DAB1: variants seen among roughly 807,000 people sequenced by gnomAD.
DAB1 encodes the protein DAB adaptor protein 1, also known as disabled homolog 1.
A neutral mutation model predicts 64.6 loss-of-function variants in DAB1; 15 were observed. That is an observed-to-expected ratio of 0.23 (90% CI 0.16 to 0.36). DAB1 has a LOEUF of 0.36. DAB1 is among the 10% of genes least tolerant of loss of function. DAB1 has a pLI of 1.00. For missense variants in DAB1, 596 were observed against 706.7 expected, an observed-to-expected ratio of 0.84 and a Z score of 1.78; for synonymous variants, 235 against 251.9, an observed-to-expected ratio of 0.93 and a Z score of 0.64.
chr1:58,086,251 C>T (rs1479954928), intron 5 of DAB1, among the ~76,000 whole-genome samples: 1 of 152,148 alleles, frequency 6.6e-6, no homozygotes, highest in Non-Finnish European at 1.5e-5. Context: ...GCGTGAGCCA[C>T]CGCGCCCGGC....
chr1:58,494,416 A>C (rs891527947), intron 3 of DAB1, among the ~76,000 whole-genome samples: 55 of 152,294 alleles, frequency 3.6e-4, no homozygotes, highest in Non-Finnish European at 4.7e-4. Context: ...AAATTGATAA[A>C]TGGGATCTAA....
At chr1:58,532,944 T>C (rs1646457819) in intron 1 of DAB1, among the ~76,000 whole-genome samples, 2 of 152,340 alleles carry the variant, frequency 1.3e-5, no homozygotes, top group Non-Finnish European at 2.9e-5. Context: ...AAGGAACAGG[T>C]AGAATTTGAG....
intron 6 of DAB1, among the ~76,000 whole-genome samples, chr1:57,704,212 T>C (rs1646939311): frequency 6.6e-6 from 1 of 152,164 alleles, no homozygotes; most frequent in Admixed American, 6.6e-5. Flanking sequence ...GAAATCCAGA[T>C]TCCTGGCTTC....
intron 7 of DAB1, among the ~76,000 whole-genome samples, chr1:57,598,640 G>A (rs1383461148): frequency 6.6e-6 from 1 of 152,306 alleles, no homozygotes; most frequent in East Asian, 1.9e-4. Context: ...TAGCAGGGAG[G>A]CTGGTGGGCT....
exon 2 of DAB1, chr1:57,826,278 T>A (rs1652346341): frequency 1.3e-5 from 2 of 152,222 alleles, no homozygotes; most frequent in Admixed American, 1.3e-4. Flanking sequence ...TAGATAGTTA[T>A]CTCCAGTAGT....
chr1:57,287,765 C>A (rs192615086), intron 2 of DAB1, among the ~76,000 whole-genome samples: 1 of 118,814 alleles, frequency 8.4e-6, no homozygotes, highest in Non-Finnish European at 1.8e-5. Flanking sequence ...GTTACCAGCA[C>A]GTTTTCTCTC....
chr1:57,809,990 C>T (rs1360816913), intron 6 of DAB1, among the ~76,000 whole-genome samples: 1 of 152,260 alleles, frequency 6.6e-6, no homozygotes, highest in African/African-American at 2.4e-5. Context: ...TGCACAACAC[C>T]TGTACCAAGG....
At chr1:58,290,906 A>G (rs1661812128) in intron 4 of DAB1, among the ~76,000 whole-genome samples, 1 of 152,090 alleles carries the variant, frequency 6.6e-6, no homozygotes, top group Non-Finnish European at 1.5e-5. Flanking sequence ...TGCAGACCCG[A>G]GGGTCAGCCA....
At chr1:57,657,651 T>C (rs1003092300) in intron 6 of DAB1, among the ~76,000 whole-genome samples, 4 of 152,234 alleles carry the variant, frequency 2.6e-5, no homozygotes, top group African/African-American at 9.6e-5. Context: ...GTTTGACATC[T>C]AGATGAAATT....
chr1:57,954,045 A>G (rs1645334705), intron 5 of DAB1, among the ~76,000 whole-genome samples: 1 of 152,018 alleles, frequency 6.6e-6, no homozygotes, highest in South Asian at 2.1e-4. Flanking sequence ...TGAGTGTACC[A>G]TCTGTTCCTT....
chr1:57,093,806 C>T (rs1653904187), intron 4 of DAB1, among the ~76,000 whole-genome samples: 1 of 152,080 alleles, frequency 6.6e-6, no homozygotes, highest in South Asian at 2.1e-4. Context: ...GTCAGATGAG[C>T]TCAAGTGTTT....
At chr1:57,263,056 C>T (rs1333443320) in intron 2 of DAB1, among the ~76,000 whole-genome samples, 2 of 152,160 alleles carry the variant, frequency 1.3e-5, no homozygotes, top group African/African-American at 2.4e-5. Flanking sequence ...AGCAGTGTGA[C>T]CTGAGGCAAG....
At chr1:57,180,309 G>T (rs1217582437) in intron 2 of DAB1, among the ~76,000 whole-genome samples, 3 of 152,190 alleles carry the variant, frequency 2.0e-5, no homozygotes, top group African/African-American at 7.2e-5. Flanking sequence ...GTTTTGGCTA[G>T]TAACAGTTTT....
intron 5 of DAB1, among the ~76,000 whole-genome samples, chr1:57,901,879 G>C (rs1644478982): frequency 6.6e-6 from 1 of 152,044 alleles, no homozygotes; most frequent in Admixed American, 6.6e-5. Flanking sequence ...AATTCACTGT[G>C]TACTCTGAAC....
At chr1:57,815,669 TAAA>T (rs542137983) in intron 6 of DAB1, among the ~76,000 whole-genome samples, 1 of 130,296 alleles carries the variant, frequency 7.7e-6, no homozygotes, top group Non-Finnish European at 1.7e-5. Context: ...TATTTTCAAC[TAAA>T]AAAAAAAAAA....
intron 3 of DAB1, among the ~76,000 whole-genome samples, chr1:58,446,016 C>T (rs1048133700): frequency 6.6e-6 from 1 of 152,186 alleles, no homozygotes; most frequent in South Asian, 2.1e-4. Flanking sequence ...TGTTTTAGAA[C>T]TGAAAGTCAC....
At chr1:57,414,814 C>A (rs980085334) in intron 1 of DAB1, among the ~76,000 whole-genome samples, 1 of 152,038 alleles carries the variant, frequency 6.6e-6, no homozygotes, top group Non-Finnish European at 1.5e-5. Flanking sequence ...AGTGCATGCC[C>A]TTTGAAGAAA....
At chr1:57,105,439 C>T (rs1391231651) in intron 4 of DAB1, among the ~76,000 whole-genome samples, 2 of 152,026 alleles carry the variant, frequency 1.3e-5, no homozygotes, top group African/African-American at 2.4e-5. Context: ...TTGTTTGCTG[C>T]TCCAAGGAAA....
chr1:57,718,225 C>CAGG (rs1647108373), intron 6 of DAB1, among the ~76,000 whole-genome samples: 2 of 152,050 alleles, frequency 1.3e-5, no homozygotes, highest in Non-Finnish European at 2.9e-5. Context: ...TCATTTAATC[C>CAGG]TTACACAATG....
Sources: gnomAD v4.1 joint callset for allele counts (sites outside exome capture counted in the v4.1 genomes callset) on GRCh38, gnomAD v4.1.1 for gene constraint, MANE v1.5 for transcripts, NCBI Gene and HGNC (gene_info 2026-07-23, HGNC 2026-07-21) for gene names.